The following HSPH1 variants were observed in gnomAD, a reference collection of about 807,000 sequenced individuals.
HSPH1 encodes heat shock protein 105 kDa.
HSPH1 carries 40 observed loss-of-function variants against 100.0 expected under a neutral mutation model. The observed-to-expected ratio is 0.40, with a 90% confidence interval of 0.31 to 0.52. The LOEUF is 0.52. HSPH1 is among the 20% of genes least tolerant of loss of function. The pLI is 0.54. For synonymous variants in HSPH1, 403 were observed against 344.0 expected (o/e 1.17, Z -1.90); for missense variants, 876 against 1,015.1 (o/e 0.86, Z 1.86).
chr13:31,155,122 A>G (rs1042242844), intron 3 of HSPH1, among the ~76,000 whole-genome samples: 13 of 152,196 alleles, frequency 8.5e-5, no homozygotes, highest in Non-Finnish European at 1.2e-4. Context: ...GTTGATCACA[A>G]GACAGGAATA....
rs989736587 is a variant in HSPH1 at position 31,135,133 on chromosome 13, T to C, written c.*2185A>G. 2.6e-5 allele frequency: 4 copies of C among 152,242 alleles called. No individual in the cohort carries two copies. The highest frequency in any genetic ancestry group is 4.4e-5 in the Non-Finnish European group (3 of 68,034). 9.4% of individuals were successfully genotyped at this position (152,242 alleles called of 1,614,324 possible). On this transcript the variant is annotated 3_prime_UTR_variant, in exon 18 of 18. Transcript: ENST00000320027. ...ATATCACAACTGTTTGAGCCAATGA[T>C]ATTAATACGTTATTATAAAGTAATC... is the stretch of plus-strand genomic sequence containing the variant.
intron 16 of HSPH1, 91 bp from the exon 17 acceptor site, chr13:31,138,659 T>C: frequency 6.6e-7 from 1 of 1,514,060 alleles, no homozygotes; most frequent in Non-Finnish European, 8.9e-7. Flanking sequence ...AGTTCAAATC[T>C]ACCTCTAACC....
At chr13:31,154,545 G>A (rs748546579) in intron 4 of HSPH1, 88 bp downstream of exon 4, 563 of 1,461,300 alleles carry the variant, frequency 3.9e-4, no homozygotes, top group African/African-American at 1.4e-3. Flanking sequence ...AGTAACTAAA[G>A]AACAGCTTTC....
intron 5 of HSPH1, 115 bp from the exon 6 acceptor site, chr13:31,151,857 G>T: frequency 2.5e-6 from 2 of 800,066 alleles, no homozygotes; most frequent in Non-Finnish European, 3.9e-6. Flanking sequence ...AATTAAAGGT[G>T]AACACATTAC....
chr13:31,161,822 T>A lies in HSPH1; in HGVS notation c.-240A>T. The stretch of plus-strand genomic sequence containing the variant: ...CCCTGGGAGAAAGCGGGGCTCAGCC[T>A]CCGCAGGTCGCTCCGCACCTCGGGT... On this transcript the variant is annotated 5_prime_UTR_variant, in exon 1 of 18. Transcript: ENST00000320027. 1.4e-6 allele frequency: 2 copies of A among 1,475,462 alleles called. No individual in the cohort carries two copies. Among genetic ancestry groups the A allele is most frequent in the Non-Finnish European group, 1.8e-6 (2 of 1,114,640 alleles). The allele number at this position is 1,475,462 out of a possible 1,614,324, so 91.4% of individuals were successfully genotyped here.
chr13:31,155,511 T>C lies in HSPH1; in HGVS notation c.306+3A>G. 6.2e-7 allele frequency: 1 copy of C among 1,604,424 alleles called. No individual in the cohort carries two copies. The highest frequency in any genetic ancestry group is 1.1e-5 in the South Asian group (1 of 88,672). On this transcript the variant is annotated splice_donor_region_variant and intron_variant, in intron 3 of 17. Coordinates refer to ENST00000320027, the MANE Select transcript of HSPH1 (RefSeq NM_006644.4). Reference sequence around the variant, plus strand: ...TTTTTCTAAGGTTGCTCAATTATATTACCTTTATTCCAACTCCACCATTTT... The same window carrying C: ...TTTTTCTAAGGTTGCTCAATTATATCACCTTTATTCCAACTCCACCATTTT...
chr13:31,145,806 T>C, intron 10 of HSPH1, 38 bp from the exon 11 acceptor site: 1 of 1,588,734 alleles, frequency 6.3e-7, no homozygotes, highest in Non-Finnish European at 8.6e-7. Flanking sequence ...AATCACAATT[T>C]ATTTAGAATT....
chr13:31,161,981 C>CA (rs1566022819), upstream of HSPH1: 1 of 1,536,052 alleles, frequency 6.5e-7, no homozygotes, highest in East Asian at 2.4e-5. Flanking sequence ...CATTTACTCA[C>CA]CGGCGCCTCC....
rs1369292083 is a variant in HSPH1 at position 31,136,455 on chromosome 13, C to T, written c.*863G>A. The T allele has an allele frequency of 1.3e-5, 2 of 152,028 alleles. No homozygotes were observed. The highest frequency in any genetic ancestry group is 2.9e-5 in the Non-Finnish European group (2 of 68,004). 9.4% of individuals were successfully genotyped at this position (152,028 alleles called of 1,614,324 possible). ...TTCACTTTATAGTATTTTTAAAATGCTTTAATGTAATAAACATATGCTATT... is the reference window on the plus strand; with the variant it reads ...TTCACTTTATAGTATTTTTAAAATGTTTTAATGTAATAAACATATGCTATT... On this transcript the variant is annotated 3_prime_UTR_variant, in exon 18 of 18. Transcript: ENST00000320027.
intron 9 of HSPH1, 121 bp from the exon 10 acceptor site, chr13:31,148,213 C>A: frequency 1.7e-6 from 2 of 1,150,306 alleles, no homozygotes; most frequent in Non-Finnish European, 2.5e-6. Flanking sequence ...ATTTACAATA[C>A]CAAAATGAGA....
chr13:31,138,066 CAG>C (rs1565992994), intron 17 of HSPH1, among the ~76,000 whole-genome samples: 1 of 152,076 alleles, frequency 6.6e-6, no homozygotes, highest in Non-Finnish European at 1.5e-5. Context: ...ATAGATGACA[CAG>C]GCTTGTTTAC....
chr13:31,141,937 C>T (rs1429769600), intron 12 of HSPH1, among the ~76,000 whole-genome samples: 3 of 151,990 alleles, frequency 2.0e-5, no homozygotes, highest in Non-Finnish European at 2.9e-5. Context: ...ACATGCCAAT[C>T]ATTTATGTAG....
intron 13 of HSPH1, 154 bp downstream of exon 13, chr13:31,140,968 C>T (rs1027546022): frequency 2.2e-6 from 1 of 464,014 alleles, no homozygotes; most frequent in Non-Finnish European, 3.6e-6. Flanking sequence ...AATTAAACTG[C>T]AAAATTCGTT....
intron 11 of HSPH1, among the ~76,000 whole-genome samples, chr13:31,144,978 T>G (rs1180948409): frequency 1.3e-5 from 2 of 152,138 alleles, no homozygotes; most frequent in African/African-American, 2.4e-5. Flanking sequence ...TCCCTAGAAA[T>G]AAACTGTAAT....
Position 31,161,875 on chromosome 13 carries a change from A to ACACCGG in HSPH1, c.-299_-294dup. On this transcript the variant is annotated 5_prime_UTR_variant, in exon 1 of 18. Coordinates refer to ENST00000320027, the MANE Select transcript of HSPH1 (RefSeq NM_006644.4). ...CCTGCCTCACTCTGCCGCGGCTCGC[A>ACACCGG]CACCGGCGCCGGCGCTGAACTACCG... 6.7e-7 allele frequency: 1 copy of ACACCGG among 1,485,676 alleles called. No individual in the cohort carries two copies. The highest frequency in any genetic ancestry group is 2.2e-5 in the Admixed American group (1 of 45,786). 92.0% of individuals were successfully genotyped at this position (1,485,676 alleles called of 1,614,324 possible). A position where few individuals can be genotyped will look rare whatever the true frequency, so the allele number is the denominator to read the frequency against.
chr13:31,141,139 T>G lies in HSPH1; in HGVS notation c.1837A>C (p.Met613Leu), dbSNP rs368360892. 36 of 1,598,576 alleles carry G rather than the reference T, an allele frequency of 2.3e-5. No homozygotes were observed. The highest frequency in any genetic ancestry group is 2.9e-5 in the Non-Finnish European group (34 of 1,170,716). Residue 613 changes from methionine (M) to leucine (L), a missense_variant, in exon 13 of 18, where the codon ATG becomes CTG. Coordinates refer to ENST00000320027, the MANE Select transcript of HSPH1 (RefSeq NM_006644.4). ...GTACTTACCTCTGTCTCAATATACA[T>G]GTTAAGAAGGTCTTTCCCTAACTGC... Reference protein sequence around the residue: ...VWQLGKDLLNMYIETEGKMIM... With the variant: ...VWQLGKDLLNLYIETEGKMIM...
At chr13:31,153,485 T>C (rs1198306777) in intron 4 of HSPH1, among the ~76,000 whole-genome samples, 1 of 152,206 alleles carries the variant, frequency 6.6e-6, no homozygotes, top group Non-Finnish European at 1.5e-5. Flanking sequence ...AAATCACTTT[T>C]TGGCAAAGCC....
At chr13:31,145,941 T>A (rs1188611401) in intron 10 of HSPH1, among the ~76,000 whole-genome samples, 173 bp from the exon 11 acceptor site, 1 of 151,926 alleles carries the variant, frequency 6.6e-6, no homozygotes, top group Non-Finnish European at 1.5e-5. Context: ...GATAGTGAGA[T>A]CTGTCTCTAC....
Position 31,151,063 on chromosome 13 carries a change from T to A in HSPH1, c.792A>T (p.Leu264=). 6.2e-7 allele frequency: 1 copy of A among 1,613,854 alleles called. No homozygotes were observed. Among genetic ancestry groups the A allele is most frequent in the Non-Finnish European group, 8.5e-7 (1 of 1,179,834 alleles). ...GTTTTTCACATTCCTGATACAGACG[T>A]AGGAGTGCTCGTATTTTGGATTTTG... ...LDAKSKIRAL[L]RLYQECEKLK... The change falls in exon 7 of 18, where the codon CTA becomes CTT. Residue 264 remains leucine, a synonymous_variant. Transcript: ENST00000320027.
Sources: allele counts gnomAD v4.1 joint callset (sites outside exome capture counted in the v4.1 genomes callset), GRCh38; gene constraint gnomAD v4.1.1; transcripts MANE v1.5; gene names NCBI Gene and HGNC (gene_info 2026-07-23, HGNC 2026-07-21).